COL22A1: variants seen among roughly 807,000 people sequenced by gnomAD.
COL22A1 encodes the protein collagen alpha-1(XXII) chain.
In COL22A1, 221 loss-of-function variants were observed where a neutral mutation model predicts 248.9. The observed-to-expected ratio is 0.89, with a 90% CI of 0.80 to 0.99. The LOEUF (loss-of-function observed/expected upper bound fraction) is 0.99, where lower values mean the gene tolerates loss of function less well. Ranked by LOEUF, COL22A1 falls within the 50% of genes least tolerant of loss-of-function variation. The probability of loss-of-function intolerance (pLI) is 0.00; values close to 1 mark genes in which losing one functional copy is unlikely to be tolerated. For synonymous variants in COL22A1, 891 were observed against 793.4 expected, an observed-to-expected ratio of 1.12 and a Z score of -2.07; for missense variants, 2,240 against 2,179.0, an observed-to-expected ratio of 1.03 and a Z score of -0.56.
intron 41 of COL22A1, among the ~76,000 whole-genome samples, chr8:138,673,389 T>C (rs1437042723): frequency 1.1e-4 from 17 of 151,880 alleles, no homozygotes. Context: ...TTGGTATTTT[T>C]AGTAGAGACA....
At chr8:138,685,043 T>C (rs11787153) in intron 38 of COL22A1, among the ~76,000 whole-genome samples, 165 bp downstream of exon 38, 32,973 of 152,210 alleles carry the variant, frequency 0.22, 3,844 homozygotes, top group South Asian at 0.28. Context: ...TGGCCAGCAG[T>C]CCATGAGGTT....
At chr8:138,629,192 T>C (rs1368184750) in intron 50 of COL22A1, among the ~76,000 whole-genome samples, 1 of 152,074 alleles carries the variant, frequency 6.6e-6, no homozygotes, top group African/African-American at 2.4e-5. Flanking sequence ...AGTCTCACTC[T>C]GTCGCCCAGG....
At chr8:138,605,468 A>T (rs778430902) in intron 58 of COL22A1, among the ~76,000 whole-genome samples, 4 of 152,186 alleles carry the variant, frequency 2.6e-5, no homozygotes, top group African/African-American at 4.8e-5. Context: ...GCCTTTAGCA[A>T]GGGAGTGAAT....
intron 7 of COL22A1, among the ~76,000 whole-genome samples, chr8:138,818,712 C>T (rs998726560): frequency 2.2e-4 from 33 of 152,322 alleles, no homozygotes; most frequent in African/African-American, 7.9e-4. Context: ...TAAAGGAGCA[C>T]TTTAGTGCAA....
chr8:138,828,929 A>G (rs114621425), intron 5 of COL22A1, among the ~76,000 whole-genome samples: 2,247 of 152,138 alleles, frequency 0.015, 44 homozygotes, highest in African/African-American at 0.051. Flanking sequence ...GGGGGAGCCC[A>G]ATCCTGCCCT....
In COL22A1 at chr8:138,608,513, A is replaced by G. The variant is rs75464205; in HGVS notation, c.3979-524T>C. Among the ~76,000 whole-genome samples the G allele has an allele frequency of 2.0e-4, 30 of 152,342 alleles. No individual in the cohort carries two copies. In the East Asian group the frequency reaches 5.6e-3, roughly 28 times the overall value. On this transcript the variant is annotated intron_variant, in intron 56 of 64. Transcript: ENST00000303045. ...CACAGAGAAGAAAAATGGCTTGTGC[A>G]GAGTCATGCAGCTACAAAATGGAAG...
intron 21 of COL22A1, among the ~76,000 whole-genome samples, chr8:138,753,955 G>A (rs1832799530): frequency 6.6e-6 from 1 of 152,190 alleles, no homozygotes; most frequent in African/African-American, 2.4e-5. Flanking sequence ...TGTATACTCC[G>A]TGGTGAAAAC....
At chr8:138,818,257 T>C (rs1048726019) in intron 7 of COL22A1, among the ~76,000 whole-genome samples, 1 of 152,164 alleles carries the variant, frequency 6.6e-6, no homozygotes, top group African/African-American at 2.4e-5. Context: ...AGTAGAACCA[T>C]GGAGCTCACA....
At chr8:138,695,018 T>C in intron 32 of COL22A1, 139 bp from the exon 33 acceptor site, 1 of 707,636 alleles carries the variant, frequency 1.4e-6, no homozygotes, top group East Asian at 2.8e-5. Context: ...CCAAAGGCTG[T>C]TCCCTCTGCC....
intron 11 of COL22A1, 45 bp from the exon 12 acceptor site, chr8:138,796,902 A>C: frequency 4.1e-5 from 51 of 1,256,520 alleles, no homozygotes; most frequent in Non-Finnish European, 5.0e-5. Context: ...GAGCATCTCC[A>C]TGGCATGACA....
At chr8:138,746,359 A>T (rs1832108902) in intron 22 of COL22A1, among the ~76,000 whole-genome samples, 4 of 152,326 alleles carry the variant, frequency 2.6e-5, no homozygotes, top group Admixed American at 2.0e-4. Context: ...GGAGGAAATG[A>T]CAGGTCATGG....
At chr8:138,693,023 G>A (rs367580877) in intron 35 of COL22A1, among the ~76,000 whole-genome samples, 3 of 152,080 alleles carry the variant, frequency 2.0e-5, no homozygotes, top group East Asian at 1.9e-4. Context: ...CCAGAGACCC[G>A]GGGATAAGTC....
chr8:138,619,365 G>T, intron 53 of COL22A1, 90 bp downstream of exon 53: 1 of 1,177,076 alleles, frequency 8.5e-7, no homozygotes, highest in South Asian at 1.3e-5. Flanking sequence ...CCCACGGTTG[G>T]GCAGTCTGGG....
At chr8:138,806,087 ATGG>A (rs1469423241) in intron 10 of COL22A1, among the ~76,000 whole-genome samples, 1 of 2,318 alleles carries the variant, frequency 4.3e-4, no homozygotes. Context: ...GGTGTGTGTA[ATGG>A]TGTGTGATGG....
chr8:138,837,700 G>C (rs1433428537), intron 4 of COL22A1, among the ~76,000 whole-genome samples: 2 of 152,192 alleles, frequency 1.3e-5, no homozygotes, highest in African/African-American at 4.8e-5. Context: ...GGAGGGGCTG[G>C]TGCCTCTGAA....
chr8:138,806,191 G>T (rs1445417834), intron 10 of COL22A1, among the ~76,000 whole-genome samples: 1 of 96,830 alleles, frequency 1.0e-5, no homozygotes, highest in African/African-American at 5.5e-5. Context: ...GGTGTGTGAT[G>T]GTGTGTGTGT....
At chr8:138,671,859 TATG>T (rs1825061416) in intron 41 of COL22A1, among the ~76,000 whole-genome samples, 1 of 152,216 alleles carries the variant, frequency 6.6e-6, no homozygotes, top group South Asian at 2.1e-4. Flanking sequence ...TTCTCTTCCT[TATG>T]ATTTTTTTCA....
Position 138,706,636 on chromosome 8 carries a change from CA to C in COL22A1, c.2518-3290del, listed in dbSNP as rs777635220. Reference sequence around the variant, plus strand: ...CAGAATCTCTGGGACACATTCAAAGCAGTGTGTAAAGGGAAATTTATAGCAC... The same window carrying C: ...CAGAATCTCTGGGACACATTCAAAGCGTGTGTAAAGGGAAATTTATAGCAC... On this transcript the variant is annotated intron_variant, in intron 30 of 64. Transcript: ENST00000303045. 1.8e-4 allele frequency among the ~76,000 whole-genome samples: 28 copies of C among 152,178 alleles called. 1 individual carries two copies. Among genetic ancestry groups the C allele is most frequent in the Non-Finnish European group, 3.5e-4 (24 of 68,032 alleles).
intron 25 of COL22A1, chr8:138,722,330 G>A (rs1191384437): frequency 3.7e-6 from 2 of 537,630 alleles, no homozygotes; most frequent in Non-Finnish European, 6.7e-6. Context: ...CAGTACACTG[G>A]CCATGCATGG....
Sources: allele counts gnomAD v4.1 joint callset (sites outside exome capture counted in the v4.1 genomes callset), GRCh38; gene constraint gnomAD v4.1.1; transcripts MANE v1.5; gene names NCBI Gene and HGNC (gene_info 2026-07-23, HGNC 2026-07-21).